B3GALT1: variants seen among roughly 807,000 people sequenced by gnomAD.
B3GALT1 encodes UDP-Gal:betaGlcNAc beta 1,3-galactosyltransferase, polypeptide 1.
B3GALT1 carries 10 observed loss-of-function variants against 23.2 expected under a neutral mutation model. The observed-to-expected ratio is 0.43, with a 90% confidence interval of 0.27 to 0.73. B3GALT1 has a LOEUF of 0.73. Ranked by LOEUF, B3GALT1 falls within the 30% of genes least tolerant of loss-of-function variation. The pLI is 0.21. For missense variants in B3GALT1, 299 were observed against 405.4 expected, an observed-to-expected ratio of 0.74 and a Z score of 2.25; for synonymous variants, 156 against 141.5, an observed-to-expected ratio of 1.10 and a Z score of -0.73.
At chr2:167,690,321 A>G (rs375071515) in intron 3 of B3GALT1, among the ~76,000 whole-genome samples, 1 of 152,106 alleles carries the variant, frequency 6.6e-6, no homozygotes, top group Non-Finnish European at 1.5e-5. Context: ...TAACATTCCA[A>G]TGAAAATAAT....
chr2:167,422,364 C>T (rs914032393), intron 1 of B3GALT1, among the ~76,000 whole-genome samples: 1 of 152,104 alleles, frequency 6.6e-6, no homozygotes, highest in Non-Finnish European at 1.5e-5. Context: ...ACTTTCTAGC[C>T]TCCAGAACTA....
intron 1 of B3GALT1, among the ~76,000 whole-genome samples, chr2:167,325,733 T>A (rs1696882457): frequency 7.7e-6 from 1 of 130,430 alleles, no homozygotes. Context: ...TTTTTCTTTT[T>A]TCGAGATAGA....
At chr2:167,551,259 G>A (rs1411973503) in intron 2 of B3GALT1, among the ~76,000 whole-genome samples, 1 of 152,188 alleles carries the variant, frequency 6.6e-6, no homozygotes, top group African/African-American at 2.4e-5. Context: ...CTGGAAGGTA[G>A]TTGTGTTTTC....
chr2:167,450,479 C>T (rs1051906539), intron 1 of B3GALT1, among the ~76,000 whole-genome samples: 1 of 152,132 alleles, frequency 6.6e-6, no homozygotes, highest in African/African-American at 2.4e-5. Context: ...ATACCAAATT[C>T]TTGGCTGATA....
At chr2:167,801,456 G>A (rs571310077) in intron 3 of B3GALT1, among the ~76,000 whole-genome samples, 45 of 152,220 alleles carry the variant, frequency 3.0e-4, no homozygotes, top group African/African-American at 8.9e-4. Flanking sequence ...TTCACTTCAC[G>A]TCAAAGACCG....
intron 3 of B3GALT1, among the ~76,000 whole-genome samples, chr2:167,721,148 A>T (rs1454996439): frequency 2.0e-5 from 3 of 151,884 alleles, no homozygotes; most frequent in Non-Finnish European, 4.4e-5. Flanking sequence ...GTTATTCGTC[A>T]TTGAAAATAC....
At chr2:167,684,206 G>C (rs1306048374) in intron 3 of B3GALT1, among the ~76,000 whole-genome samples, 1 of 152,162 alleles carries the variant, frequency 6.6e-6, no homozygotes, top group Non-Finnish European at 1.5e-5. Flanking sequence ...ATCTAGAAAA[G>C]AGCCTCCAAT....
At chr2:167,615,069 A>C (rs547347948) in intron 2 of B3GALT1, among the ~76,000 whole-genome samples, 1 of 152,238 alleles carries the variant, frequency 6.6e-6, no homozygotes, top group South Asian at 2.1e-4. Context: ...AACAAATGAA[A>C]ATAATCTTGG....
chr2:167,433,203 G>A (rs1440492744), intron 1 of B3GALT1, among the ~76,000 whole-genome samples: 1 of 152,020 alleles, frequency 6.6e-6, no homozygotes, highest in Non-Finnish European at 1.5e-5. Context: ...GCCCTTTTAG[G>A]TTGGCTTTTT....
chr2:167,751,221 A>G (rs1687730046), intron 3 of B3GALT1, among the ~76,000 whole-genome samples: 2 of 152,164 alleles, frequency 1.3e-5, no homozygotes, highest in African/African-American at 4.8e-5. Context: ...GACAATACAA[A>G]TTTTCCTGAC....
chr2:167,403,173 TC>T (rs1171743676), intron 1 of B3GALT1, among the ~76,000 whole-genome samples: 9 of 49,642 alleles, frequency 1.8e-4, no homozygotes, highest in Non-Finnish European at 3.5e-4. Context: ...CCCTCCCCCC[TC>T]CCCCCACCCC....
chr2:167,602,740 A>G (rs946019927), intron 2 of B3GALT1, among the ~76,000 whole-genome samples: 3 of 152,108 alleles, frequency 2.0e-5, no homozygotes, highest in Non-Finnish European at 4.4e-5. Context: ...TTGTATCTTT[A>G]TTAGAATTCT....
intron 1 of B3GALT1, among the ~76,000 whole-genome samples, chr2:167,298,085 A>C (rs1696385020): frequency 6.6e-6 from 1 of 152,136 alleles, no homozygotes; most frequent in South Asian, 2.1e-4. Flanking sequence ...CAATGTTTTT[A>C]AACCACAAGT....
intron 2 of B3GALT1, among the ~76,000 whole-genome samples, chr2:167,549,415 A>G (rs1426346081): frequency 2.0e-5 from 3 of 152,170 alleles, no homozygotes; most frequent in Non-Finnish European, 4.4e-5. Flanking sequence ...ATCATAAATA[A>G]CAGTATGCTC....
chr2:167,791,962 T>G (rs1283999862), intron 3 of B3GALT1, among the ~76,000 whole-genome samples: 2 of 152,140 alleles, frequency 1.3e-5, no homozygotes, highest in Non-Finnish European at 2.9e-5. Context: ...CTTTATGGAT[T>G]GAATTATTGA....
At chr2:167,459,328 A>C (rs1192951052) in intron 1 of B3GALT1, among the ~76,000 whole-genome samples, 1 of 152,154 alleles carries the variant, frequency 6.6e-6, no homozygotes, top group African/African-American at 2.4e-5. Flanking sequence ...AACATCCTAA[A>C]GTTACAATAT....
intron 3 of B3GALT1, among the ~76,000 whole-genome samples, chr2:167,695,480 G>A (rs1427421523): frequency 6.6e-6 from 1 of 152,104 alleles, no homozygotes; most frequent in Non-Finnish European, 1.5e-5. Context: ...AGTTGCTCTT[G>A]TTTACTAAAA....
intron 1 of B3GALT1, among the ~76,000 whole-genome samples, chr2:167,318,234 A>G (rs1162394367): frequency 6.6e-6 from 1 of 151,988 alleles, no homozygotes; most frequent in Admixed American, 6.6e-5. Context: ...GCTGAGGCAG[A>G]GAATTGCTTG....
At chr2:167,709,917 C>G (rs1687023547) in intron 3 of B3GALT1, among the ~76,000 whole-genome samples, 1 of 151,992 alleles carries the variant, frequency 6.6e-6, no homozygotes, top group Non-Finnish European at 1.5e-5. Flanking sequence ...TCACTTATCA[C>G]AACACAAAGT....
Sources: allele counts gnomAD v4.1 joint callset (sites outside exome capture counted in the v4.1 genomes callset), GRCh38; gene constraint gnomAD v4.1.1; transcripts MANE v1.5; gene names NCBI Gene and HGNC (gene_info 2026-07-23, HGNC 2026-07-21).